Variants in DGKH observed in about 807,000 individuals in gnomAD.
DGKH encodes the protein DAG kinase eta.
A neutral mutation model predicts 159.3 loss-of-function variants in DGKH; 90 were observed. The observed-to-expected ratio is 0.57, with a 90% CI of 0.48 to 0.67. The LOEUF (loss-of-function observed/expected upper bound fraction) is 0.67, where lower values mean the gene tolerates loss of function less well. Ranked by LOEUF, DGKH falls within the 30% of genes least tolerant of loss-of-function variation. The probability of loss-of-function intolerance (pLI) is 0.00; values close to 1 mark genes in which losing one functional copy is unlikely to be tolerated. For synonymous variants in DGKH, 536 were observed against 553.8 expected, an observed-to-expected ratio of 0.97 and a Z score of 0.45; for missense variants, 1,181 against 1,506.1, an observed-to-expected ratio of 0.78 and a Z score of 3.57.
At chr13:42,160,362 A>G (rs560698069) in intron 7 of DGKH, among the ~76,000 whole-genome samples, 1 of 152,312 alleles carries the variant, frequency 6.6e-6, no homozygotes, top group African/African-American at 2.4e-5. Flanking sequence ...CCTGTGCCTC[A>G]GGATCTCTTA....
chr13:42,164,969 GAC>G (rs1162935786), intron 7 of DGKH, among the ~76,000 whole-genome samples: 1 of 152,014 alleles, frequency 6.6e-6, no homozygotes, highest in Non-Finnish European at 1.5e-5. Context: ...CAATGATATT[GAC>G]ACACTGGTTA....
chr13:42,123,893 G>A (rs749315028), intron 1 of DGKH, among the ~76,000 whole-genome samples: 15 of 152,210 alleles, frequency 9.9e-5, no homozygotes, highest in African/African-American at 3.6e-4. Flanking sequence ...GGGACAGGTA[G>A]TGATTATAAA....
At chr13:42,041,940 A>G (rs1415837627) in intron 1 of DGKH, among the ~76,000 whole-genome samples, 1 of 152,194 alleles carries the variant, frequency 6.6e-6, no homozygotes, top group Non-Finnish European at 1.5e-5. Flanking sequence ...CCGCTAGGTC[A>G]GGTGCCAGGG....
chr13:42,134,878 G>A (rs1467320784), intron 3 of DGKH, among the ~76,000 whole-genome samples: 1 of 152,214 alleles, frequency 6.6e-6, no homozygotes, highest in East Asian at 1.9e-4. Flanking sequence ...TTGGGAGGCT[G>A]AGGCAGGAGA....
chr13:42,148,439 A>G (rs1463419801), intron 3 of DGKH, among the ~76,000 whole-genome samples: 1 of 152,080 alleles, frequency 6.6e-6, no homozygotes, highest in Non-Finnish European at 1.5e-5. Context: ...ATCCTTTTTT[A>G]TCTCTGTCAG....
Position 42,199,859 on chromosome 13 carries a change from G to C in DGKH, c.2443G>C (p.Glu815Gln). 1 of 1,612,820 alleles carries C rather than the reference G, an allele frequency of 6.2e-7. No homozygotes were observed. Among genetic ancestry groups the C allele is most frequent in the Non-Finnish European group, 8.5e-7 (1 of 1,179,456 alleles). The change falls in exon 20 of 30, where the codon GAG (glutamate) becomes CAG (glutamine). Residue 815 changes from glutamate to glutamine, a missense_variant. By Grantham distance (29) the Glu-to-Gln change is conservative. Transcript: ENST00000337343. The part of the protein sequence containing the change: ...LMWYGVLGTR[E>Q]LLQRSYKNLE... ...GTGGTATGGAGTCCTTGGAACCCGG[G>C]AGTTATTACAGAGATCGTACAAGAA...
At chr13:42,136,391 G>A (rs1955403487) in intron 3 of DGKH, among the ~76,000 whole-genome samples, 2 of 152,162 alleles carry the variant, frequency 1.3e-5, no homozygotes, top group Admixed American at 1.3e-4. Flanking sequence ...ATCTGACCAT[G>A]TTAGGTAAAT....
At chr13:42,070,272 C>G in intron 1 of DGKH, 1 of 1,212,708 alleles carries the variant, frequency 8.2e-7, no homozygotes, top group East Asian at 2.3e-5. Flanking sequence ...GTTTGTGTGG[C>G]TCAGTCATGT....
rs144044703 is a variant in DGKH, at chr13:42,093,817, A to C, written c.193-33646A>C. ...AGGTACCTCGAGTAGTCGAACTTAC[A>C]AAGACAGAAAGTAGGATGGTAGTTG... is the stretch of plus-strand genomic sequence containing the variant. On this transcript the variant is annotated intron_variant, in intron 1 of 29. Transcript: ENST00000337343. Among the ~76,000 whole-genome samples the C allele has an allele frequency of 3.0e-4, 46 of 152,294 alleles. No homozygotes were observed. The East Asian group carries it at 3.1e-3, about 10-fold the overall frequency.
intron 3 of DGKH, among the ~76,000 whole-genome samples, chr13:42,130,645 TGACA>T (rs899477629): frequency 2.0e-5 from 3 of 152,098 alleles, no homozygotes; most frequent in African/African-American, 7.2e-5. Flanking sequence ...CCCCTAGGCA[TGACA>T]GAGCAGGGGA....
chr13:42,159,776 C>G (rs756329053), intron 6 of DGKH, among the ~76,000 whole-genome samples: 2 of 152,156 alleles, frequency 1.3e-5, no homozygotes, highest in Non-Finnish European at 2.9e-5. Flanking sequence ...TATTGTAATC[C>G]CTTTACATGC....
chr13:42,106,648 G>A (rs369762494), intron 1 of DGKH, among the ~76,000 whole-genome samples: 28 of 152,298 alleles, frequency 1.8e-4, no homozygotes, highest in African/African-American at 6.3e-4. Flanking sequence ...GATAAAGTTA[G>A]ACTATCTTCT....
intron 20 of DGKH, among the ~76,000 whole-genome samples, chr13:42,200,516 C>A (rs895239578): frequency 6.6e-6 from 1 of 152,060 alleles, no homozygotes; most frequent in African/African-American, 2.4e-5. Context: ...TTTATTTTAC[C>A]TTTGATCCAG....
At chr13:42,083,276 A>G (rs1468283002) in intron 1 of DGKH, among the ~76,000 whole-genome samples, 3 of 152,196 alleles carry the variant, frequency 2.0e-5, no homozygotes, top group Non-Finnish European at 2.9e-5. Context: ...GCTTCAAGGA[A>G]CTTGCAACTT....
rs146418644 is a variant in DGKH, at chr13:42,133,865, C to T, written c.384+4233C>T. 2.4e-3 allele frequency among the ~76,000 whole-genome samples: 364 copies of T among 152,252 alleles called. 2 individuals are homozygous for T. Among genetic ancestry groups the T allele is most frequent in the South Asian group, 0.011 (51 of 4,826 alleles). ...ATGTTTTCAACCAGTAATTGACAAACCTTCCTCTCTTTAAATATTTAAATA... is the reference window on the plus strand; with the variant it reads ...ATGTTTTCAACCAGTAATTGACAAATCTTCCTCTCTTTAAATATTTAAATA... On this transcript the variant is annotated intron_variant, in intron 3 of 29. Coordinates refer to ENST00000337343, the MANE Select transcript of DGKH (RefSeq NM_178009.5).
chr13:42,064,774 C>T (rs1412905570), intron 1 of DGKH, among the ~76,000 whole-genome samples: 1 of 152,120 alleles, frequency 6.6e-6, no homozygotes, highest in African/African-American at 2.4e-5. Flanking sequence ...AAATCTCTAG[C>T]TCATGTATGC....
chr13:42,220,891 T>C (rs919290309), intron 28 of DGKH, among the ~76,000 whole-genome samples: 3 of 152,236 alleles, frequency 2.0e-5, no homozygotes, highest in Non-Finnish European at 4.4e-5. Context: ...CATTTCAGTC[T>C]ATAGCCGTTT....
chr13:42,211,648 A>T (rs1190949279), intron 24 of DGKH, among the ~76,000 whole-genome samples: 2 of 152,176 alleles, frequency 1.3e-5, no homozygotes, highest in African/African-American at 2.4e-5. Flanking sequence ...CAGTGAGCCA[A>T]GATCACGCCA....
chr13:42,229,015 T>G, intron 29 of DGKH, 84 bp from the exon 30 acceptor site: 14 of 1,206,388 alleles, frequency 1.2e-5, no homozygotes, highest in Non-Finnish European at 1.6e-5. Context: ...ACTTTTTTCC[T>G]TTTCTTTCAT....
Sources: allele counts gnomAD v4.1 joint callset (sites outside exome capture counted in the v4.1 genomes callset), GRCh38; gene constraint gnomAD v4.1.1; transcripts MANE v1.5; gene names NCBI Gene and HGNC (gene_info 2026-07-23, HGNC 2026-07-21).